FAM171B: variants seen among roughly 807,000 people sequenced by gnomAD.
The protein encoded by FAM171B is family with sequence similarity 171 member B.
In FAM171B, 19 loss-of-function variants were observed where a neutral mutation model predicts 75.6. The ratio of observed to expected loss-of-function variants is 0.25; its 90% CI spans 0.18 to 0.37. The LOEUF (loss-of-function observed/expected upper bound fraction) is 0.37, where lower values mean the gene tolerates loss of function less well. Among genes scored for constraint, FAM171B ranks in the 10% least tolerant of loss-of-function variants. FAM171B has a pLI of 1.00. For missense variants in FAM171B, 848 were observed against 982.4 expected, an observed-to-expected ratio of 0.86 and a Z score of 1.83; for synonymous variants, 367 against 361.7, an observed-to-expected ratio of 1.01 and a Z score of -0.17.
At chr2:186,761,365 T>G (rs1690612499) in intron 7 of FAM171B, 114 bp from the exon 8 acceptor site, 1 of 1,441,004 alleles carries the variant, frequency 6.9e-7, no homozygotes, top group African/African-American at 1.4e-5. Context: ...ATTTTTAATC[T>G]ACATATCTCA....
chr2:186,703,933 T>G (rs1221897894), intron 1 of FAM171B, among the ~76,000 whole-genome samples: 1 of 152,176 alleles, frequency 6.6e-6, no homozygotes, highest in African/African-American at 2.4e-5. Context: ...AGAATTTATT[T>G]AACTATTTAA....
Position 186,763,186 on chromosome 2 carries a change from G to A in FAM171B, c.*363G>A. The stretch of plus-strand genomic sequence containing the variant: ...CTCCAAAAATGTTGCCTCTACCATG[G>A]TGACTACCCCATGGAACATTTAGAA... On this transcript the variant is annotated 3_prime_UTR_variant, in exon 8 of 8. Transcript: ENST00000304698. 5.6e-6 allele frequency: 1 copy of A among 177,312 alleles called. No homozygotes were observed. Among genetic ancestry groups the A allele is most frequent in the Admixed American group, 5.7e-5 (1 of 17,636 alleles). The allele number at this position is 177,312 out of a possible 1,614,324, so 11.0% of individuals were successfully genotyped here. A position where few individuals can be genotyped will look rare whatever the true frequency, so the allele number is the denominator to read the frequency against.
At chr2:186,752,126 G>A (rs964470075) in intron 5 of FAM171B, among the ~76,000 whole-genome samples, 1 of 152,162 alleles carries the variant, frequency 6.6e-6, no homozygotes, top group African/African-American at 2.4e-5. Flanking sequence ...TTTCTTAGGA[G>A]CTATATATAG....
chr2:186,731,180 C>A (rs1462777244), intron 1 of FAM171B, among the ~76,000 whole-genome samples: 1 of 152,144 alleles, frequency 6.6e-6, no homozygotes, highest in Non-Finnish European at 1.5e-5. Context: ...TAAATAGTAT[C>A]CTTTATTTAC....
intron 1 of FAM171B, among the ~76,000 whole-genome samples, chr2:186,729,173 G>T (rs1690076834): frequency 6.6e-6 from 1 of 152,044 alleles, no homozygotes; most frequent in South Asian, 2.1e-4. Context: ...TTTTTACTTG[G>T]TTTTTCTCAA....
chr2:186,724,995 C>A (rs1258440336), intron 1 of FAM171B, among the ~76,000 whole-genome samples: 1 of 152,186 alleles, frequency 6.6e-6, no homozygotes, highest in African/African-American at 2.4e-5. Context: ...CTATTTTTGG[C>A]AGAGCCTTTA....
At chr2:186,748,742 T>G (rs1287611660) in intron 4 of FAM171B, among the ~76,000 whole-genome samples, 1 of 152,194 alleles carries the variant, frequency 6.6e-6, no homozygotes, top group African/African-American at 2.4e-5. Flanking sequence ...TGGGATTACT[T>G]ACCAAATAAA....
intron 2 of FAM171B, among the ~76,000 whole-genome samples, chr2:186,742,079 C>T (rs1361784235): frequency 6.6e-6 from 1 of 151,964 alleles, no homozygotes; most frequent in Non-Finnish European, 1.5e-5. Context: ...TATCATAATT[C>T]ACTATTTTAA....
intron 1 of FAM171B, among the ~76,000 whole-genome samples, chr2:186,725,835 A>C (rs1450781079): frequency 1.3e-5 from 2 of 152,326 alleles, no homozygotes; most frequent in African/African-American, 4.8e-5. Context: ...AGGAAGGATG[A>C]AAAATTGGGA....
chr2:186,701,312 A>T (rs1217536027), intron 1 of FAM171B, among the ~76,000 whole-genome samples: 1 of 152,210 alleles, frequency 6.6e-6, no homozygotes, highest in Admixed American at 6.5e-5. Context: ...TAGTCAAACA[A>T]ATTAACATAT....
intron 3 of FAM171B, among the ~76,000 whole-genome samples, chr2:186,745,061 C>T (rs1690347472): frequency 6.6e-6 from 1 of 152,086 alleles, no homozygotes; most frequent in Admixed American, 6.5e-5. Flanking sequence ...AACTCCTGAC[C>T]TCAAGCGATC....
At chr2:186,737,840 A>G (rs1193036543) in intron 1 of FAM171B, among the ~76,000 whole-genome samples, 1 of 152,234 alleles carries the variant, frequency 6.6e-6, no homozygotes. Context: ...ATGTAACTTG[A>G]AAGTGTTACA....
chr2:186,736,411 T>C (rs1398442044), intron 1 of FAM171B, among the ~76,000 whole-genome samples: 1 of 152,186 alleles, frequency 6.6e-6, no homozygotes, highest in African/African-American at 2.4e-5. Flanking sequence ...GAGGTTTTTT[T>C]TGAAGAGTAA....
At chr2:186,761,047 G>A in intron 6 of FAM171B, 66 bp from the exon 7 acceptor site, 1 of 1,525,924 alleles carries the variant, frequency 6.6e-7, no homozygotes, top group Non-Finnish European at 8.9e-7. Flanking sequence ...CCTCACCCAG[G>A]ATGTGACATA....
At chr2:186,752,822 A>G (rs1158895652) in intron 5 of FAM171B, among the ~76,000 whole-genome samples, 3 of 152,274 alleles carry the variant, frequency 2.0e-5, no homozygotes, top group Admixed American at 2.0e-4. Context: ...TCAATAAACC[A>G]TAATACAAAT....
intron 6 of FAM171B, among the ~76,000 whole-genome samples, chr2:186,756,378 T>C (rs960154597): frequency 2.0e-5 from 3 of 152,352 alleles, no homozygotes; most frequent in South Asian, 2.1e-4. Flanking sequence ...AATAGGTACT[T>C]ACCCAACTGA....
intron 5 of FAM171B, among the ~76,000 whole-genome samples, chr2:186,751,903 AC>A (rs1424511748): frequency 6.6e-6 from 1 of 152,174 alleles, no homozygotes; most frequent in African/African-American, 2.4e-5. Flanking sequence ...TGATCAGCCC[AC>A]AACTGAAAAG....
At chr2:186,708,344 C>G (rs1689762657) in intron 1 of FAM171B, among the ~76,000 whole-genome samples, 1 of 136,522 alleles carries the variant, frequency 7.3e-6, no homozygotes, top group African/African-American at 2.7e-5. Context: ...TCCTACAAGA[C>G]TGATTTCACT....
chr2:186,732,128 C>T (rs572155791), intron 1 of FAM171B, among the ~76,000 whole-genome samples: 142 of 152,108 alleles, frequency 9.3e-4, no homozygotes, highest in African/African-American at 3.4e-3. Context: ...GAGTCTGGTG[C>T]CAAAAAGGTT....
Sources: allele counts gnomAD v4.1 joint callset (sites outside exome capture counted in the v4.1 genomes callset), GRCh38; gene constraint gnomAD v4.1.1; transcripts MANE v1.5; gene names NCBI Gene and HGNC (gene_info 2026-07-23, HGNC 2026-07-21).